The following SOX6 variants were observed in gnomAD, a reference collection of about 807,000 sequenced individuals.
The protein encoded by SOX6 is transcription factor SOX-6.
In SOX6, 11 loss-of-function variants were observed where a neutral mutation model predicts 97.8. That is an observed-to-expected ratio of 0.11 (90% CI 0.07 to 0.19). SOX6 has a LOEUF of 0.19. SOX6 is among the 10% of genes least tolerant of loss of function. SOX6 has a pLI of 1.00. For synonymous variants in SOX6, 360 were observed against 371.4 expected, an observed-to-expected ratio of 0.97 and a Z score of 0.35; for missense variants, 810 against 1,039.5, an observed-to-expected ratio of 0.78 and a Z score of 3.04.
At chr11:16,441,102 C>T (rs1859495427) in intron 1 of SOX6, among the ~76,000 whole-genome samples, 2 of 152,042 alleles carry the variant, frequency 1.3e-5, no homozygotes, top group Non-Finnish European at 2.9e-5. Flanking sequence ...ATGTCACATC[C>T]AGAGACTTCC....
At chr11:16,571,796 A>G (rs529743971) in intron 4 of SOX6, among the ~76,000 whole-genome samples, 1 of 152,100 alleles carries the variant, frequency 6.6e-6, no homozygotes, top group South Asian at 2.1e-4. Flanking sequence ...GGATTACAGG[A>G]GCACTCTGCC....
chr11:16,683,543 T>A (rs1847945106), intron 3 of SOX6, among the ~76,000 whole-genome samples: 1 of 152,208 alleles, frequency 6.6e-6, no homozygotes, highest in Non-Finnish European at 1.5e-5. Context: ...TGTAGAAAGC[T>A]GAAACTGGAT....
chr11:16,076,902 C>T (rs1402965647), intron 9 of SOX6, among the ~76,000 whole-genome samples: 8 of 151,190 alleles, frequency 5.3e-5, no homozygotes, highest in Admixed American at 4.6e-4. Context: ...TACAGGCGCC[C>T]GCCACCGCGC....
chr11:16,715,757 A>G (rs893335500), intron 2 of SOX6, among the ~76,000 whole-genome samples: 3 of 152,166 alleles, frequency 2.0e-5, no homozygotes, highest in Non-Finnish European at 4.4e-5. Context: ...AAAAAAAAAG[A>G]TTAAAACAAT....
chr11:16,199,226 A>G (rs1174320792), intron 4 of SOX6, among the ~76,000 whole-genome samples: 2 of 152,216 alleles, frequency 1.3e-5, no homozygotes, highest in Non-Finnish European at 2.9e-5. Context: ...AGCCATCCCC[A>G]CTGTTGCACA....
intron 4 of SOX6, among the ~76,000 whole-genome samples, chr11:16,556,979 C>A (rs1334087196): frequency 6.6e-6 from 1 of 151,744 alleles, no homozygotes; most frequent in Non-Finnish European, 1.5e-5. Context: ...ACATAGGTTT[C>A]CTTTTTCAAT....
chr11:16,097,991 AT>A (rs1848844345), intron 7 of SOX6, among the ~76,000 whole-genome samples: 1 of 151,864 alleles, frequency 6.6e-6, no homozygotes, highest in South Asian at 2.1e-4. Flanking sequence ...GAGTAAAAAA[AT>A]ATCTTTAAGC....
intron 4 of SOX6, among the ~76,000 whole-genome samples, chr11:16,606,357 G>A (rs948640684): frequency 2.0e-5 from 3 of 151,782 alleles, no homozygotes; most frequent in Admixed American, 2.0e-4. Context: ...GAGATACAGC[G>A]CTCACAAAGC....
chr11:16,060,826 T>G (rs1259087212), intron 9 of SOX6, among the ~76,000 whole-genome samples: 1 of 151,904 alleles, frequency 6.6e-6, no homozygotes, highest in African/African-American at 2.4e-5. Flanking sequence ...TTTATCAGTA[T>G]TTTAAACTTC....
At chr11:16,431,646 T>C (rs749253074) in intron 1 of SOX6, among the ~76,000 whole-genome samples, 3 of 152,102 alleles carry the variant, frequency 2.0e-5, no homozygotes, top group African/African-American at 2.4e-5. Flanking sequence ...CCACAGATTA[T>C]AAAAGAAAAA....
chr11:16,372,746 G>A (rs551925291), intron 1 of SOX6, among the ~76,000 whole-genome samples: 82 of 152,248 alleles, frequency 5.4e-4, no homozygotes, highest in African/African-American at 1.9e-3. Context: ...TTGAGATGTT[G>A]ATGGAGAGAG....
chr11:15,970,281 A>T lies in SOX6; in HGVS notation c.*2528T>A, dbSNP rs1391385380. ...ATGAGCAAAATCAAGTTTCAGTCCTAAAGAACAGTCCTTTGTTCTCCACCA... is the reference window on the plus strand; with the variant it reads ...ATGAGCAAAATCAAGTTTCAGTCCTTAAGAACAGTCCTTTGTTCTCCACCA... On this transcript the variant is annotated 3_prime_UTR_variant, in exon 16 of 16. Transcript: ENST00000683767. The T allele has an allele frequency of 6.6e-6, 1 of 152,606 alleles. No homozygotes were observed. The highest frequency in any genetic ancestry group is 2.4e-5 in the African/African-American group (1 of 41,444). 9.5% of individuals were successfully genotyped at this position (152,606 alleles called of 1,614,324 possible).
chr11:16,226,150 A>AT (rs914963960), intron 4 of SOX6, among the ~76,000 whole-genome samples: 19 of 151,556 alleles, frequency 1.3e-4, no homozygotes, highest in East Asian at 7.8e-4. Flanking sequence ...TGTTTAGTCA[A>AT]TTTTTTTTTC....
chr11:16,152,354 G>C (rs1388592133), intron 6 of SOX6, among the ~76,000 whole-genome samples: 1 of 152,130 alleles, frequency 6.6e-6, no homozygotes, highest in Non-Finnish European at 1.5e-5. Context: ...GCTCTGTTCA[G>C]TATCTGGAGA....
exon 2 of SOX6, chr11:16,736,415 T>G (rs1193328165): frequency 6.6e-6 from 1 of 152,230 alleles, no homozygotes; most frequent in Admixed American, 6.5e-5. Flanking sequence ...TGTTACTTTT[T>G]CGTTTGTGAT....
intron 3 of SOX6, among the ~76,000 whole-genome samples, chr11:16,709,316 G>A (rs929362808): frequency 1.1e-4 from 16 of 151,994 alleles, no homozygotes; most frequent in African/African-American, 3.1e-4. Flanking sequence ...TCAGGAGTTC[G>A]AGACCAGCCT....
At chr11:16,423,954 T>C (rs1028037464) in intron 1 of SOX6, among the ~76,000 whole-genome samples, 2 of 152,220 alleles carry the variant, frequency 1.3e-5, no homozygotes, top group Non-Finnish European at 2.9e-5. Context: ...GAATACCTAC[T>C]ATGTGTTAAG....
intron 4 of SOX6, among the ~76,000 whole-genome samples, chr11:16,604,652 G>A (rs1848312721): frequency 6.6e-6 from 1 of 152,200 alleles, no homozygotes; most frequent in Admixed American, 6.5e-5. Flanking sequence ...AACTTCAAGC[G>A]CGGCCCTCAC....
At chr11:16,190,861 C>T (rs1425318555) in intron 4 of SOX6, among the ~76,000 whole-genome samples, 1 of 152,082 alleles carries the variant, frequency 6.6e-6, no homozygotes, top group Non-Finnish European at 1.5e-5. Flanking sequence ...TGGTTTGAAG[C>T]CAAGCATTTA....
Sources: allele counts gnomAD v4.1 joint callset (sites outside exome capture counted in the v4.1 genomes callset), GRCh38; gene constraint gnomAD v4.1.1; transcripts MANE v1.5; gene names NCBI Gene and HGNC (gene_info 2026-07-23, HGNC 2026-07-21).